The following ADAMTS6 variants were observed in gnomAD, a reference collection of about 807,000 sequenced individuals.
The protein encoded by ADAMTS6 is ADAM metallopeptidase with thrombospondin type 1 motif 6.
ADAMTS6 carries 23 observed loss-of-function variants against 144.3 expected under a neutral mutation model. That is an observed-to-expected ratio of 0.16 (90% CI 0.11 to 0.23). ADAMTS6 has a LOEUF of 0.23. Ranked by LOEUF, ADAMTS6 falls within the 10% of genes least tolerant of loss-of-function variation. The pLI is 1.00. For synonymous variants in ADAMTS6, 444 were observed against 457.5 expected (o/e 0.97, Z 0.38); for missense variants, 999 against 1,379.6 (o/e 0.72, Z 4.37).
chr5:65,376,366 G>T (rs1751545317), intron 7 of ADAMTS6, among the ~76,000 whole-genome samples: 1 of 152,088 alleles, frequency 6.6e-6, no homozygotes, highest in Non-Finnish European at 1.5e-5. Context: ...CAGAAGAATA[G>T]CTTGAACCCA....
chr5:65,289,406 G>A (rs1270466197), intron 11 of ADAMTS6, among the ~76,000 whole-genome samples: 1 of 152,094 alleles, frequency 6.6e-6, no homozygotes, highest in South Asian at 2.1e-4. Context: ...GGTGGTGAGC[G>A]CCTGTAATCC....
intron 7 of ADAMTS6, among the ~76,000 whole-genome samples, chr5:65,376,124 G>C (rs935942489): frequency 1.3e-3 from 201 of 152,146 alleles, no homozygotes; most frequent in Non-Finnish European, 1.6e-3. Context: ...GGTGGGGGCA[G>C]GGGGGAGGGA....
intron 8 of ADAMTS6, among the ~76,000 whole-genome samples, chr5:65,333,632 T>C (rs1030326883): frequency 3.3e-5 from 5 of 151,756 alleles, no homozygotes; most frequent in African/African-American, 1.2e-4. Flanking sequence ...TTTCCTTTTC[T>C]AGCCTGAAAT....
intron 20 of ADAMTS6, among the ~76,000 whole-genome samples, chr5:65,206,976 T>C (rs1413942746): frequency 6.6e-6 from 1 of 151,968 alleles, no homozygotes; most frequent in Non-Finnish European, 1.5e-5. Context: ...ACTATGTAAA[T>C]GTAAATGTAA....
chr5:65,338,078 T>C (rs914978242), intron 7 of ADAMTS6, among the ~76,000 whole-genome samples: 1 of 152,214 alleles, frequency 6.6e-6, no homozygotes, highest in Admixed American at 6.5e-5. Flanking sequence ...AGAAGTACAC[T>C]GGAATGCTAA....
intron 15 of ADAMTS6, among the ~76,000 whole-genome samples, chr5:65,240,910 A>G (rs1338941163): frequency 6.6e-6 from 1 of 152,224 alleles, no homozygotes; most frequent in Non-Finnish European, 1.5e-5. Context: ...AAGCATAGTT[A>G]AAATTTTGCA....
intron 7 of ADAMTS6, among the ~76,000 whole-genome samples, chr5:65,409,677 T>C (rs1457823775): frequency 2.0e-5 from 3 of 152,118 alleles, no homozygotes; most frequent in African/African-American, 7.2e-5. Context: ...TACCAAAGCC[T>C]AGCAGAGACA....
chr5:65,475,920 T>C (rs527460316), intron 1 of ADAMTS6, among the ~76,000 whole-genome samples: 16 of 151,786 alleles, frequency 1.1e-4, no homozygotes, highest in Admixed American at 7.2e-4. Flanking sequence ...GTGTAGACTC[T>C]GATGAGCCCA....
intron 17 of ADAMTS6, 117 bp downstream of exon 17, chr5:65,224,807 A>C: frequency 8.1e-7 from 1 of 1,238,640 alleles, no homozygotes; most frequent in Non-Finnish European, 1.1e-6. Context: ...CAATTTGGGG[A>C]AGAAAACATT....
In ADAMTS6 at chr5:65,263,989, T is replaced by C. The variant is rs140709531; in HGVS notation, c.1621-1027A>G. ...TACTTAGAAAGTGATCAGTTTATTATACTAATTCTATCACCAAGCTTTGTT... is the reference window on the plus strand; with the variant it reads ...TACTTAGAAAGTGATCAGTTTATTACACTAATTCTATCACCAAGCTTTGTT... On this transcript the variant is annotated intron_variant, in intron 12 of 24. Coordinates refer to ENST00000381055, the MANE Select transcript of ADAMTS6 (RefSeq NM_197941.4). Among the ~76,000 whole-genome samples the C allele has an allele frequency of 2.7e-4, 41 of 152,318 alleles. No individual in the cohort carries two copies. The East Asian group carries it at 7.1e-3, about 27-fold the overall frequency.
chr5:65,471,488 T>A (rs532635752), intron 2 of ADAMTS6, among the ~76,000 whole-genome samples: 2 of 152,272 alleles, frequency 1.3e-5, no homozygotes, highest in Non-Finnish European at 2.9e-5. Context: ...GAAAAGAGTT[T>A]AGCTCAGAAT....
intron 9 of ADAMTS6, among the ~76,000 whole-genome samples, chr5:65,328,875 T>C (rs889956020): frequency 6.6e-6 from 1 of 151,946 alleles, no homozygotes; most frequent in Admixed American, 6.6e-5. Context: ...AGGAGGATGG[T>C]ATTGTGTACT....
At chr5:65,404,274 C>T (rs775665252) in intron 7 of ADAMTS6, among the ~76,000 whole-genome samples, 12 of 151,896 alleles carry the variant, frequency 7.9e-5, no homozygotes, top group Admixed American at 2.0e-4. Flanking sequence ...TAGGTATTTC[C>T]GCTAATGTTA....
intron 7 of ADAMTS6, among the ~76,000 whole-genome samples, chr5:65,364,937 T>C (rs913822869): frequency 6.6e-6 from 1 of 152,180 alleles, no homozygotes; most frequent in Non-Finnish European, 1.5e-5. Flanking sequence ...TACGAGGTTA[T>C]AGATCTTGCC....
intron 7 of ADAMTS6, among the ~76,000 whole-genome samples, chr5:65,409,247 C>G (rs571829381): frequency 6.6e-6 from 1 of 151,718 alleles, no homozygotes; most frequent in Admixed American, 6.6e-5. Flanking sequence ...ACTGATAGAC[C>G]GCTAGCAAGA....
chr5:65,426,496 T>TA (rs1392666648), intron 7 of ADAMTS6, among the ~76,000 whole-genome samples: 6 of 151,834 alleles, frequency 4.0e-5, no homozygotes, highest in African/African-American at 1.5e-4. Flanking sequence ...AAGCAAAATA[T>TA]AAAAAATTTA....
intron 11 of ADAMTS6, among the ~76,000 whole-genome samples, chr5:65,277,147 C>G (rs867707174): frequency 6.6e-6 from 1 of 152,268 alleles, no homozygotes; most frequent in Middle Eastern, 3.4e-3. Flanking sequence ...GAATTGGAAT[C>G]TCTAATGTTA....
At chr5:65,252,764 A>G (rs2112550361) in intron 14 of ADAMTS6, among the ~76,000 whole-genome samples, 1 of 152,234 alleles carries the variant, frequency 6.6e-6, no homozygotes, top group South Asian at 2.1e-4. Context: ...TGAGAGGATC[A>G]AGACTACTAT....
At chr5:65,367,951 G>A (rs986577356) in intron 7 of ADAMTS6, among the ~76,000 whole-genome samples, 7 of 151,444 alleles carry the variant, frequency 4.6e-5, no homozygotes, top group Non-Finnish European at 1.0e-4. Flanking sequence ...ATTGTACCAT[G>A]GCATATTTTA....
Sources: gnomAD v4.1 joint callset for allele counts (sites outside exome capture counted in the v4.1 genomes callset) on GRCh38, gnomAD v4.1.1 for gene constraint, MANE v1.5 for transcripts, NCBI Gene and HGNC (gene_info 2026-07-23, HGNC 2026-07-21) for gene names.